Variants in SAMD3 observed in about 807,000 individuals in gnomAD.
SAMD3 encodes sterile alpha motif domain containing 3, also known as sterile alpha motif domain-containing protein 3.
Under a neutral mutation model 58.5 loss-of-function variants are expected in SAMD3, and 63 were observed. The ratio of observed to expected loss-of-function variants is 1.08; its 90% CI spans 0.88 to 1.33. The LOEUF is 1.33. SAMD3 is among the 40% of genes most tolerant of loss of function. The probability of loss-of-function intolerance (pLI) is 0.00; values close to 1 mark genes in which losing one functional copy is unlikely to be tolerated. For missense variants in SAMD3, 604 were observed against 608.4 expected (o/e 0.99, Z 0.08); for synonymous variants, 220 against 210.3 (o/e 1.05, Z -0.40).
intron 2 of SAMD3, among the ~76,000 whole-genome samples, chr6:130,286,835 C>T (rs1392337035): frequency 6.6e-6 from 1 of 152,188 alleles, no homozygotes; most frequent in Non-Finnish European, 1.5e-5. Context: ...CCTCAGCCTC[C>T]TGAGTAGCTG....
chr6:130,179,450 C>T (rs1438091914), intron 7 of SAMD3, among the ~76,000 whole-genome samples: 1 of 152,114 alleles, frequency 6.6e-6, no homozygotes, highest in East Asian at 1.9e-4. Flanking sequence ...TTGCAGACCT[C>T]CTGTTGTGAC....
At chr6:130,314,784 T>A (rs1695269997) in intron 1 of SAMD3, among the ~76,000 whole-genome samples, 1 of 152,144 alleles carries the variant, frequency 6.6e-6, no homozygotes, top group South Asian at 2.1e-4. Context: ...ACATAATAGA[T>A]AAAATAAACT....
intron 1 of SAMD3, among the ~76,000 whole-genome samples, chr6:130,220,862 C>A (rs1177113839): frequency 3.4e-5 from 5 of 146,088 alleles, no homozygotes; most frequent in African/African-American, 1.0e-4. Context: ...CTGAAAATAT[C>A]TTTTTTTTTT....
At chr6:130,256,252 G>A (rs1439599061) in intron 2 of SAMD3, among the ~76,000 whole-genome samples, 9 of 151,796 alleles carry the variant, frequency 5.9e-5, no homozygotes, top group Non-Finnish European at 1.2e-4. Flanking sequence ...TTTAGCACAA[G>A]TTAGATATGA....
At chr6:130,335,476 T>TA (rs1777070131) in intron 1 of SAMD3, among the ~76,000 whole-genome samples, 1 of 152,234 alleles carries the variant, frequency 6.6e-6, no homozygotes. Context: ...ACAAGTCAGA[T>TA]ACACAATCAT....
chr6:130,253,747 T>C (rs1773826890), intron 2 of SAMD3, among the ~76,000 whole-genome samples: 1 of 130,242 alleles, frequency 7.7e-6, no homozygotes, highest in Non-Finnish European at 1.6e-5. Flanking sequence ...TTAAAATTAT[T>C]ATTTTTTTTT....
intron 2 of SAMD3, among the ~76,000 whole-genome samples, chr6:130,289,228 C>T (rs1487418654): frequency 6.6e-6 from 1 of 152,208 alleles, no homozygotes; most frequent in East Asian, 1.9e-4. Flanking sequence ...AATAATAACA[C>T]ACTTCTTTAG....
chr6:130,278,852 G>A (rs1774879966), intron 2 of SAMD3, among the ~76,000 whole-genome samples: 1 of 152,182 alleles, frequency 6.6e-6, no homozygotes, highest in Non-Finnish European at 1.5e-5. Context: ...TGCACGCTCT[G>A]ACCTTAGCTT....
chr6:130,275,476 TG>T (rs1774742000), intron 2 of SAMD3, among the ~76,000 whole-genome samples: 1 of 152,168 alleles, frequency 6.6e-6, no homozygotes, highest in African/African-American at 2.4e-5. Context: ...TGAATTACAC[TG>T]AACTTTGGAG....
At chr6:130,308,999 A>T (rs1278025076) in intron 2 of SAMD3, among the ~76,000 whole-genome samples, 5 of 152,202 alleles carry the variant, frequency 3.3e-5, no homozygotes, top group Non-Finnish European at 7.4e-5. Flanking sequence ...CAAGTTGGTG[A>T]ATGGCAAAAT....
intron 1 of SAMD3, among the ~76,000 whole-genome samples, chr6:130,339,566 A>G (rs894754663): frequency 6.6e-6 from 1 of 152,162 alleles, no homozygotes; most frequent in Non-Finnish European, 1.5e-5. Flanking sequence ...CCCTTCTGCC[A>G]TGATTGTTAA....
At chr6:130,250,909 C>T (rs1441167272) in intron 2 of SAMD3, among the ~76,000 whole-genome samples, 1 of 152,124 alleles carries the variant, frequency 6.6e-6, no homozygotes, top group Non-Finnish European at 1.5e-5. Flanking sequence ...CATGCATGTA[C>T]AAATTTTTAT....
chr6:130,147,856 T>C (rs1406059153), intron 9 of SAMD3, among the ~76,000 whole-genome samples: 1 of 152,252 alleles, frequency 6.6e-6, no homozygotes. Context: ...CCAGTTACTT[T>C]GTAGAACATT....
chr6:130,286,049 AAT>A (rs1166580171), intron 2 of SAMD3: 1 of 152,254 alleles, frequency 6.6e-6, no homozygotes, highest in East Asian at 1.9e-4. Context: ...ATAACAAATC[AAT>A]CAGGAAGGTA....
intron 5 of SAMD3, among the ~76,000 whole-genome samples, chr6:130,188,037 G>C (rs1483388309): frequency 6.6e-6 from 1 of 152,172 alleles, no homozygotes; most frequent in Non-Finnish European, 1.5e-5. Context: ...ATAAAGTTAA[G>C]ACAACACATT....
At chr6:130,347,239 C>T (rs138882682) in intron 1 of SAMD3, among the ~76,000 whole-genome samples, 12 of 152,174 alleles carry the variant, frequency 7.9e-5, no homozygotes, top group East Asian at 5.8e-4. Flanking sequence ...ATGACTTTGA[C>T]GAGTTGAGAG....
intron 4 of SAMD3, among the ~76,000 whole-genome samples, chr6:130,213,656 T>C (rs1232466465): frequency 1.3e-5 from 2 of 152,136 alleles, no homozygotes; most frequent in African/African-American, 4.8e-5. Flanking sequence ...ATGTGTAAAA[T>C]GAAATTTTTA....
chr6:130,200,696 C>T (rs1208977585), intron 5 of SAMD3, among the ~76,000 whole-genome samples: 1 of 151,974 alleles, frequency 6.6e-6, no homozygotes, highest in East Asian at 1.9e-4. Context: ...TGGGCAAGGA[C>T]ATTCAGTAGC....
chr6:130,195,201 TC>T (rs1191577036), intron 5 of SAMD3, among the ~76,000 whole-genome samples: 1 of 152,070 alleles, frequency 6.6e-6, no homozygotes, highest in Non-Finnish European at 1.5e-5. Flanking sequence ...CTCCTTCATG[TC>T]CTCCTCTTGT....
Sources: allele counts gnomAD v4.1 joint callset (sites outside exome capture counted in the v4.1 genomes callset), GRCh38; gene constraint gnomAD v4.1.1; transcripts MANE v1.5; gene names NCBI Gene and HGNC (gene_info 2026-07-23, HGNC 2026-07-21).